The following STXBP3 variants were observed in gnomAD, a reference collection of about 807,000 sequenced individuals.
STXBP3 encodes syntaxin binding protein 3.
A neutral mutation model predicts 85.7 loss-of-function variants in STXBP3; 41 were observed. The observed-to-expected ratio is 0.48, with a 90% CI of 0.37 to 0.62. The LOEUF is 0.62. STXBP3 is among the 20% of genes least tolerant of loss of function. The pLI is 0.00. For missense variants in STXBP3, 563 were observed against 703.1 expected (o/e 0.80, Z 2.25); for synonymous variants, 229 against 231.7 (o/e 0.99, Z 0.10).
chr1:108,796,103 G>C, intron 13 of STXBP3, 131 bp from the exon 14 acceptor site: 1 of 817,850 alleles, frequency 1.2e-6, no homozygotes, highest in Non-Finnish European at 1.8e-6. Context: ...CTGACCTCAG[G>C]TGATCTGCCT....
At chr1:108,766,433 T>C (rs1662265171) in intron 6 of STXBP3, among the ~76,000 whole-genome samples, 1 of 152,188 alleles carries the variant, frequency 6.6e-6, no homozygotes, top group African/African-American at 2.4e-5. Flanking sequence ...AGAATAGCTA[T>C]TCTTTAAAAA....
intron 5 of STXBP3, among the ~76,000 whole-genome samples, 179 bp downstream of exon 5, chr1:108,758,767 G>A (rs1374572789): frequency 6.6e-6 from 1 of 152,120 alleles, no homozygotes; most frequent in African/African-American, 2.4e-5. Context: ...ATCTAAAAAT[G>A]TAAGATTATA....
At chr1:108,757,444 A>G (rs1662045462) in intron 4 of STXBP3, among the ~76,000 whole-genome samples, 1 of 152,056 alleles carries the variant, frequency 6.6e-6, no homozygotes. Context: ...TAGTCTCTAC[A>G]TGTTGGCTGC....
At chr1:108,779,440 G>T in intron 9 of STXBP3, 30 bp downstream of exon 9, 1 of 1,593,600 alleles carries the variant, frequency 6.3e-7, no homozygotes. Context: ...CATATAAAGG[G>T]CATATACAAA....
chr1:108,781,565 T>A (rs539337645), intron 9 of STXBP3: 4 of 152,352 alleles, frequency 2.6e-5, no homozygotes, highest in East Asian at 1.9e-4. Flanking sequence ...TAATTTTTTT[T>A]AATCTCATTT....
chr1:108,796,910 CGAATTTGT>C (rs1048658201), intron 15 of STXBP3, among the ~76,000 whole-genome samples, 184 bp downstream of exon 15: 12 of 151,796 alleles, frequency 7.9e-5, no homozygotes, highest in African/African-American at 2.9e-4. Flanking sequence ...AGTTTTCTAG[CGAATTTGT>C]ATTTTATGGC....
chr1:108,762,144 C>T (rs1347666203), intron 6 of STXBP3, among the ~76,000 whole-genome samples: 2 of 152,118 alleles, frequency 1.3e-5, no homozygotes, highest in African/African-American at 2.4e-5. Flanking sequence ...GTTCAGTGGA[C>T]GTTGTTTGTT....
intron 1 of STXBP3, among the ~76,000 whole-genome samples, chr1:108,750,439 T>TA (rs1661875650): frequency 6.6e-6 from 1 of 152,184 alleles, no homozygotes; most frequent in South Asian, 2.1e-4. Context: ...TCTCAATTGA[T>TA]ATTTCATAAC....
chr1:108,793,157 A>ATTTT (rs745652259), intron 11 of STXBP3, among the ~76,000 whole-genome samples: 4 of 67,508 alleles, frequency 5.9e-5, no homozygotes, highest in Admixed American at 2.1e-4. Flanking sequence ...TCTTATCTCC[A>ATTTT]TTTTTTTTTT....
At position 108,774,645 on chromosome 1, in the gene STXBP3, T is replaced by C. The variant is rs1234619117; in HGVS notation, c.594-1688T>C. 1.4e-4 allele frequency among the ~76,000 whole-genome samples: 20 copies of C among 144,122 alleles called. No individual in the cohort carries two copies. The East Asian group carries it at 3.2e-3, about 23-fold the overall frequency. The allele number at this position is 144,122 out of a possible 152,430, so 94.5% of individuals were successfully genotyped here. ...TCTTTTTCTCTCTTTCTTTCCTTTT[T>C]TTTTTTTTTTTTTTTTGAGATGGGG... On this transcript the variant is annotated intron_variant, in intron 7 of 18. Transcript: ENST00000370008.
chr1:108,777,457 G>A (rs1379690798), intron 8 of STXBP3, among the ~76,000 whole-genome samples: 2 of 152,116 alleles, frequency 1.3e-5, no homozygotes, highest in Non-Finnish European at 1.5e-5. Context: ...AAACTTAGAT[G>A]TTAGGTTAGT....
In STXBP3 at chr1:108,793,571, A is replaced by AT. The variant is rs758385552; in HGVS notation, c.964-6dup. On this transcript the variant is annotated splice_polypyrimidine_tract_variant and intron_variant, in intron 11 of 18. Coordinates refer to ENST00000370008, the MANE Select transcript of STXBP3 (RefSeq NM_007269.4). ...ATAGGCTTGCCTAAAAAAATGTTTGATTTTTCCTAGACATCACTTAGTGCT... is the reference window on the plus strand; with the variant it reads ...ATAGGCTTGCCTAAAAAAATGTTTGATTTTTTCCTAGACATCACTTAGTGCT... The AT allele has an allele frequency of 6.2e-7, 1 of 1,608,022 alleles. No individual in the cohort carries two copies. The highest frequency in any genetic ancestry group is 1.1e-5 in the South Asian group (1 of 89,974).
chr1:108,774,210 T>A (rs1423090243), intron 7 of STXBP3, among the ~76,000 whole-genome samples: 1 of 152,190 alleles, frequency 6.6e-6, no homozygotes, highest in African/African-American at 2.4e-5. Flanking sequence ...TTTGGTCTGC[T>A]AGTTCATGTG....
intron 7 of STXBP3, 46 bp from the exon 8 acceptor site, chr1:108,776,287 T>C (rs1385386503): frequency 7.5e-7 from 1 of 1,327,458 alleles, no homozygotes; most frequent in Non-Finnish European, 1.0e-6. Flanking sequence ...TTATAAAGTA[T>C]ACACTGAAAG....
chr1:108,774,535 G>A lies in STXBP3; in HGVS notation c.593+1716G>A, dbSNP rs141586398. On this transcript the variant is annotated intron_variant, in intron 7 of 18. Transcript: ENST00000370008. The stretch of plus-strand genomic sequence containing the variant: ...ACTATTAGTACTTAGAAAAAGTATA[G>A]TGATCTCCTTGGAGATTAAGTTATC... 5.6e-3 allele frequency among the ~76,000 whole-genome samples: 851 copies of A among 151,948 alleles called. 7 individuals are homozygous for A. The highest frequency in any genetic ancestry group is 0.016 in the South Asian group (78 of 4,814).
chr1:108,770,636 A>C (rs1275497252), intron 6 of STXBP3, among the ~76,000 whole-genome samples: 1 of 152,216 alleles, frequency 6.6e-6, no homozygotes, highest in Non-Finnish European at 1.5e-5. Context: ...TTCATAATTC[A>C]TTACTTAACC....
At chr1:108,766,443 A>G (rs1389500345) in intron 6 of STXBP3, among the ~76,000 whole-genome samples, 1 of 152,166 alleles carries the variant, frequency 6.6e-6, no homozygotes, top group Non-Finnish European at 1.5e-5. Flanking sequence ...TTCTTTAAAA[A>G]TATCTATTTT....
intron 6 of STXBP3, among the ~76,000 whole-genome samples, chr1:108,769,939 G>A (rs1397574637): frequency 1.3e-5 from 2 of 152,170 alleles, no homozygotes; most frequent in East Asian, 3.9e-4. Context: ...AGAGAAAATA[G>A]TGGAGCCACA....
At chr1:108,753,267 T>G (rs1661944406) in intron 3 of STXBP3, 123 bp downstream of exon 3, 2 of 581,356 alleles carry the variant, frequency 3.4e-6, no homozygotes, top group East Asian at 6.5e-5. Context: ...TAGCCATAAC[T>G]ATTAGATTTA....
Sources: allele counts gnomAD v4.1 joint callset (sites outside exome capture counted in the v4.1 genomes callset), GRCh38; gene constraint gnomAD v4.1.1; transcripts MANE v1.5; gene names NCBI Gene and HGNC (gene_info 2026-07-23, HGNC 2026-07-21).